The following SAMMSON variants were observed in gnomAD, a reference collection of about 807,000 sequenced individuals.
SAMMSON encodes survival associated mitochondrial melanoma specific oncogenic non-coding RNA.
chr3:70,301,747 T>G (rs1702350750), intron 7 of SAMMSON, among the ~76,000 whole-genome samples: 1 of 152,104 alleles, frequency 6.6e-6, no homozygotes, highest in East Asian at 1.9e-4. Flanking sequence ...AAGATTTATT[T>G]ATATAAACTT....
chr3:70,337,847 T>G, intron 7 of SAMMSON, among the ~76,000 whole-genome samples: 1 of 152,036 alleles, frequency 6.6e-6, no homozygotes, highest in Non-Finnish European at 1.5e-5. Context: ...TTTTCTCTAC[T>G]GATCACATTA....
intron 4 of SAMMSON, chr3:70,206,697 G>T: frequency 2.5e-6 from 1 of 397,806 alleles, no homozygotes; most frequent in Non-Finnish European, 4.4e-6. Context: ...TTCCTTGGCT[G>T]GTCCATCTGT....
chr3:70,336,160 T>C (rs546252852), intron 7 of SAMMSON, among the ~76,000 whole-genome samples: 161 of 152,124 alleles, frequency 1.1e-3, no homozygotes, highest in African/African-American at 3.8e-3. Context: ...CTCCTAAGCT[T>C]GCAGTTTGAT....
intron 4 of SAMMSON, among the ~76,000 whole-genome samples, chr3:70,078,091 T>TG (rs749419932): frequency 6.8e-4 from 104 of 151,954 alleles, no homozygotes; most frequent in Non-Finnish European, 1.3e-3. Flanking sequence ...CACATGTGTG[T>TG]GGGGGGAAGA....
chr3:70,118,458 C>A (rs1414852488), intron 4 of SAMMSON, among the ~76,000 whole-genome samples: 15 of 152,082 alleles, frequency 9.9e-5, no homozygotes, highest in Non-Finnish European at 4.4e-5. Flanking sequence ...AAAATGTGTT[C>A]TGAGAAACGT....
intron 9 of SAMMSON, among the ~76,000 whole-genome samples, chr3:70,383,721 G>T (rs1367142938): frequency 6.6e-6 from 1 of 151,966 alleles, no homozygotes; most frequent in East Asian, 1.9e-4. Context: ...GGTTGAAGCA[G>T]TATCTAAATA....
intron 3 of SAMMSON, among the ~76,000 whole-genome samples, chr3:70,038,460 C>T (rs2067094596): frequency 6.6e-6 from 1 of 152,064 alleles, no homozygotes; most frequent in Admixed American, 6.6e-5. Flanking sequence ...ACTTTCCAGC[C>T]ACCAGAATCA....
chr3:70,298,011 C>G (rs1014647259), intron 7 of SAMMSON, among the ~76,000 whole-genome samples: 1 of 151,902 alleles, frequency 6.6e-6, no homozygotes, highest in Admixed American at 6.6e-5. Flanking sequence ...CTAAATATAA[C>G]AAGGAAAATC....
chr3:70,303,914 C>T (rs543119539), intron 7 of SAMMSON, among the ~76,000 whole-genome samples: 17 of 152,220 alleles, frequency 1.1e-4, no homozygotes, highest in Admixed American at 2.6e-4. Context: ...AACTCCTGAC[C>T]TCAAGTGATC....
At position 70,365,020 on chromosome 3, in the gene SAMMSON, A is replaced by T. The variant is rs1702910216; in HGVS notation, n.913+6696A>T. On this transcript the variant is annotated intron_variant and non_coding_transcript_variant, in intron 9 of 9. Transcript: ENST00000642114. The stretch of plus-strand genomic sequence containing the variant: ...TGGGATATCTTGATCTCACAAATAT[A>T]TTTTCTAAAATGTACATTTATTAAG... Among the ~76,000 whole-genome samples, 3 of 151,510 alleles carry T rather than the reference A, an allele frequency of 2.0e-5. No homozygotes were observed. The South Asian group carries it at 6.2e-4, about 31-fold the overall frequency.
At chr3:70,409,715 T>G (rs1701203490) in intron 2 of SAMMSON, among the ~76,000 whole-genome samples, 1 of 152,200 alleles carries the variant, frequency 6.6e-6, no homozygotes, top group Non-Finnish European at 1.5e-5. Flanking sequence ...ATTGTAAAAA[T>G]GTACTCCTGC....
exon 2 of SAMMSON, chr3:70,012,570 C>T (rs904075035): frequency 6.6e-6 from 1 of 152,160 alleles, no homozygotes; most frequent in Non-Finnish European, 1.5e-5. Flanking sequence ...TGCTGACCCA[C>T]TGTAATGTCT....
At chr3:70,055,231 G>A (rs1159313921) in intron 3 of SAMMSON, among the ~76,000 whole-genome samples, 1 of 151,934 alleles carries the variant, frequency 6.6e-6, no homozygotes, top group African/African-American at 2.4e-5. Context: ...GGATGATGGA[G>A]GAATATATAC....
At chr3:70,209,140 A>T (rs1000452374) in intron 4 of SAMMSON, among the ~76,000 whole-genome samples, 1 of 152,102 alleles carries the variant, frequency 6.6e-6, no homozygotes, top group African/African-American at 2.4e-5. Flanking sequence ...CTAATATTGC[A>T]GATAGATGGA....
intron 4 of SAMMSON, among the ~76,000 whole-genome samples, chr3:70,100,778 A>G (rs1037888620): frequency 2.0e-5 from 3 of 152,168 alleles, no homozygotes; most frequent in African/African-American, 7.2e-5. Flanking sequence ...GAAAAAATCA[A>G]CATACCAAAC....
intron 2 of SAMMSON, among the ~76,000 whole-genome samples, chr3:70,413,473 C>T (rs1316042927): frequency 6.6e-6 from 1 of 152,092 alleles, no homozygotes. Flanking sequence ...TATTGTAAGC[C>T]TGTCCTACAG....
At chr3:70,317,063 A>T (rs932383367) in intron 7 of SAMMSON, among the ~76,000 whole-genome samples, 2 of 151,954 alleles carry the variant, frequency 1.3e-5, no homozygotes, top group African/African-American at 2.4e-5. Context: ...ACATAGCAAA[A>T]ATGTTGCTCC....
intron 7 of SAMMSON, among the ~76,000 whole-genome samples, chr3:70,353,411 A>G (rs1477661693): frequency 6.6e-6 from 1 of 152,132 alleles, no homozygotes; most frequent in Non-Finnish European, 1.5e-5. Context: ...GAAAATGGGT[A>G]AAAGAAATAA....
intron 7 of SAMMSON, among the ~76,000 whole-genome samples, chr3:70,298,744 T>C (rs1317974738): frequency 6.6e-6 from 1 of 152,156 alleles, no homozygotes; most frequent in Non-Finnish European, 1.5e-5. Context: ...TGAGTGCAGA[T>C]GAGGGGCTCT....
Sources: allele counts gnomAD v4.1 joint callset (sites outside exome capture counted in the v4.1 genomes callset), GRCh38; gene constraint gnomAD v4.1.1; transcripts MANE v1.5; gene names NCBI Gene and HGNC (gene_info 2026-07-23, HGNC 2026-07-21).